Variants in DGKG observed in about 807,000 individuals in gnomAD.
DGKG encodes the protein diacylglycerol kinase gamma.
DGKG carries 78 observed loss-of-function variants against 105.3 expected under a neutral mutation model. The observed-to-expected ratio is 0.74, with a 90% CI of 0.62 to 0.89. The LOEUF (loss-of-function observed/expected upper bound fraction) is 0.89, where lower values mean the gene tolerates loss of function less well. Ranked by LOEUF, DGKG falls within the 40% of genes least tolerant of loss-of-function variation. DGKG has a pLI of 0.00. For missense variants in DGKG, 958 were observed against 1,020.1 expected (o/e 0.94, Z 0.83); for synonymous variants, 346 against 367.1 (o/e 0.94, Z 0.66).
intron 1 of DGKG, among the ~76,000 whole-genome samples, chr3:186,348,018 G>A (rs995933928): frequency 7.2e-5 from 11 of 152,006 alleles, no homozygotes; most frequent in Non-Finnish European, 1.0e-4. Flanking sequence ...ATTTTTCTGT[G>A]TTCAGCAATG....
chr3:186,305,431 G>T (rs536628062), intron 3 of DGKG, among the ~76,000 whole-genome samples: 19 of 152,286 alleles, frequency 1.2e-4, no homozygotes, highest in African/African-American at 4.3e-4. Flanking sequence ...TGCTGAAAAG[G>T]AATGAAGATG....
chr3:186,292,392 A>G (rs1723349852), intron 5 of DGKG, among the ~76,000 whole-genome samples: 1 of 152,214 alleles, frequency 6.6e-6, no homozygotes, highest in Admixed American at 6.5e-5. Flanking sequence ...ACTCAACCTC[A>G]GTTTTCTCAT....
intron 9 of DGKG, among the ~76,000 whole-genome samples, chr3:186,278,816 A>G (rs991436100): frequency 3.9e-5 from 6 of 152,186 alleles, no homozygotes; most frequent in Non-Finnish European, 7.3e-5. Context: ...TCTATGGAAT[A>G]GTCTCAAAGA....
intron 1 of DGKG, among the ~76,000 whole-genome samples, chr3:186,352,909 C>A (rs1418945733): frequency 5.9e-5 from 9 of 152,040 alleles, no homozygotes; most frequent in African/African-American, 2.2e-4. Flanking sequence ...TCATCACTAG[C>A]TACAAGAAAA....
chr3:186,309,886 C>T (rs192369783), intron 2 of DGKG, among the ~76,000 whole-genome samples: 70 of 151,436 alleles, frequency 4.6e-4, no homozygotes, highest in Admixed American at 3.2e-3. Flanking sequence ...ATCATATGTT[C>T]GCATAAAATA....
chr3:186,298,948 C>T (rs1370431987), intron 3 of DGKG, among the ~76,000 whole-genome samples: 1 of 152,164 alleles, frequency 6.6e-6, no homozygotes, highest in African/African-American at 2.4e-5. Context: ...GAGCAGGAAG[C>T]CAAGGACAGA....
chr3:186,202,398 GC>G (rs1269285939), intron 21 of DGKG, among the ~76,000 whole-genome samples: 2 of 152,154 alleles, frequency 1.3e-5, no homozygotes, highest in African/African-American at 4.8e-5. Context: ...ATCCACTATA[GC>G]CAACAAGACA....
chr3:186,354,704 A>G (rs1726823009), intron 1 of DGKG, among the ~76,000 whole-genome samples: 4 of 152,222 alleles, frequency 2.6e-5, no homozygotes, highest in Admixed American at 2.0e-4. Context: ...CTGAAGCATC[A>G]ATGACTTAAG....
intron 2 of DGKG, among the ~76,000 whole-genome samples, chr3:186,314,145 A>T (rs1197442497): frequency 6.7e-6 from 1 of 149,744 alleles, no homozygotes; most frequent in Non-Finnish European, 1.5e-5. Context: ...TTTTGCTTTA[A>T]TGTAATTTAA....
intron 19 of DGKG, 134 bp downstream of exon 19, chr3:186,251,625 G>T: frequency 1.0e-6 from 1 of 959,370 alleles, no homozygotes; most frequent in Non-Finnish European, 1.6e-6. Flanking sequence ...GTTTCAGAAT[G>T]CTTGGACCCA....
At position 186,148,959 on chromosome 3, in the gene DGKG, T is replaced by TTATATA. The variant is rs34230259; in HGVS notation, c.*1125_*1130dup. The TTATATA allele has an allele frequency of 1.5e-4, 96 of 625,472 alleles. 1 individual carries two copies. In the East Asian group the frequency reaches 1.7e-3, roughly 11 times the overall value. The allele number at this position is 625,472 out of a possible 1,614,324, so 38.7% of individuals were successfully genotyped here. A position where few individuals can be genotyped will look rare whatever the true frequency, so the allele number is the denominator to read the frequency against. On this transcript the variant is annotated 3_prime_UTR_variant, in exon 25 of 25. Transcript: ENST00000265022. ...GAAAAGTCCATCAGTAAATAAATAT[T>TTATATA]TATATATATATATATATAAATATAT... is the stretch of plus-strand genomic sequence containing the variant.
intron 17 of DGKG, 143 bp downstream of exon 17, chr3:186,257,711 A>G (rs1266461751): frequency 1.6e-6 from 1 of 613,346 alleles, no homozygotes; most frequent in Non-Finnish European, 2.9e-6. Context: ...CCCAAAGCAA[A>G]TATTTAGTCA....
intron 21 of DGKG, among the ~76,000 whole-genome samples, chr3:186,206,038 T>A (rs1411759871): frequency 6.6e-6 from 1 of 152,210 alleles, no homozygotes; most frequent in African/African-American, 2.4e-5. Context: ...TAGTTCATAT[T>A]AGTGGAGCTG....
chr3:186,337,914 A>C (rs2889754), intron 1 of DGKG, among the ~76,000 whole-genome samples: 2,163 of 152,272 alleles, frequency 0.014, 52 homozygotes, highest in African/African-American at 0.049. Flanking sequence ...TCATGCCTGT[A>C]ATCTCAGCAC....
chr3:186,179,016 C>T (rs528859866), intron 22 of DGKG, among the ~76,000 whole-genome samples: 4 of 152,316 alleles, frequency 2.6e-5, no homozygotes, highest in South Asian at 4.1e-4. Context: ...AAAACTTCAG[C>T]GTATGTGCGA....
chr3:186,300,720 T>C (rs995129500), intron 3 of DGKG, among the ~76,000 whole-genome samples: 1 of 152,244 alleles, frequency 6.6e-6, no homozygotes, highest in Admixed American at 6.5e-5. Context: ...AAAATATTTC[T>C]GGAAAGCAGA....
chr3:186,193,805 G>C (rs1036283747), intron 21 of DGKG, among the ~76,000 whole-genome samples: 4 of 152,244 alleles, frequency 2.6e-5, no homozygotes, highest in African/African-American at 9.6e-5. Context: ...CGGCCCGCGC[G>C]GCCCCAGCGT....
chr3:186,344,032 G>A (rs1726210237), intron 1 of DGKG, among the ~76,000 whole-genome samples: 1 of 152,094 alleles, frequency 6.6e-6, no homozygotes, highest in South Asian at 2.1e-4. Flanking sequence ...ACAATGAGAT[G>A]CCATCTCACA....
At chr3:186,184,093 C>T (rs1038574712) in intron 22 of DGKG, among the ~76,000 whole-genome samples, 23 of 150,468 alleles carry the variant, frequency 1.5e-4, no homozygotes, top group Non-Finnish European at 2.1e-4. Context: ...TTCTCCAACA[C>T]AAAATAGAAT....
Sources: allele counts gnomAD v4.1 joint callset (sites outside exome capture counted in the v4.1 genomes callset), GRCh38; gene constraint gnomAD v4.1.1; transcripts MANE v1.5; gene names NCBI Gene and HGNC (gene_info 2026-07-23, HGNC 2026-07-21).